PTPRD: variants seen among roughly 807,000 people sequenced by gnomAD.
The protein encoded by PTPRD is protein tyrosine phosphatase receptor type D, also known as receptor-type tyrosine-protein phosphatase delta.
PTPRD carries 34 observed loss-of-function variants against 214.5 expected under a neutral mutation model. The observed-to-expected ratio is 0.16, with a 90% CI of 0.12 to 0.21. The LOEUF (loss-of-function observed/expected upper bound fraction) is 0.21, where lower values mean the gene tolerates loss of function less well. Ranked by LOEUF, PTPRD falls within the 10% of genes least tolerant of loss-of-function variation. The pLI is 1.00. For synonymous variants in PTPRD, 1,128 were observed against 845.7 expected (o/e 1.33, Z -5.79); for missense variants, 2,545 against 2,398.7 (o/e 1.06, Z -1.27).
chr9:8,545,733 A>T (rs1024764324), intron 14 of PTPRD, among the ~76,000 whole-genome samples: 4 of 152,218 alleles, frequency 2.6e-5, no homozygotes, highest in African/African-American at 4.8e-5. Flanking sequence ...TGAAAGTTCA[A>T]ATGGTGTTTA....
At chr9:8,772,908 T>C (rs2095297071) in intron 11 of PTPRD, among the ~76,000 whole-genome samples, 1 of 152,186 alleles carries the variant, frequency 6.6e-6, no homozygotes, top group South Asian at 2.1e-4. Context: ...CTTGGAAACA[T>C]TTTGATAACT....
chr9:9,891,622 T>C (rs1020536303), intron 5 of PTPRD, among the ~76,000 whole-genome samples: 3 of 152,116 alleles, frequency 2.0e-5, no homozygotes, highest in African/African-American at 7.2e-5. Context: ...AATTAGAGTT[T>C]GATGGTTATT....
At chr9:9,284,101 G>C (rs1455285773) in intron 9 of PTPRD, among the ~76,000 whole-genome samples, 1 of 151,570 alleles carries the variant, frequency 6.6e-6, no homozygotes, top group Non-Finnish European at 1.5e-5. Flanking sequence ...AGCTATCCAA[G>C]TAATGTTCAG....
At chr9:9,931,916 A>G (rs964467296) in intron 5 of PTPRD, among the ~76,000 whole-genome samples, 2 of 150,886 alleles carry the variant, frequency 1.3e-5, no homozygotes, top group Non-Finnish European at 3.0e-5. Flanking sequence ...TGGGTCCCTG[A>G]CCCCTGACCC....
intron 2 of PTPRD, among the ~76,000 whole-genome samples, chr9:10,374,219 C>T (rs771765730): frequency 2.6e-5 from 4 of 152,012 alleles, no homozygotes; most frequent in Non-Finnish European, 2.9e-5. Context: ...TTAGTTGATG[C>T]TATAGGCCTT....
chr9:8,391,162 A>G (rs577531898), intron 36 of PTPRD, among the ~76,000 whole-genome samples: 41 of 152,166 alleles, frequency 2.7e-4, no homozygotes, highest in African/African-American at 9.6e-4. Context: ...TTATAATGAA[A>G]CATATGTTCC....
intron 9 of PTPRD, among the ~76,000 whole-genome samples, chr9:9,258,873 A>T (rs1053608698): frequency 1.3e-5 from 2 of 151,904 alleles, no homozygotes; most frequent in Admixed American, 1.3e-4. Context: ...ATTTCTTTGG[A>T]AAAGGGATTT....
At chr9:9,979,069 T>C (rs1204890777) in intron 4 of PTPRD, among the ~76,000 whole-genome samples, 1 of 152,130 alleles carries the variant, frequency 6.6e-6, no homozygotes, top group Non-Finnish European at 1.5e-5. Flanking sequence ...AAGGATAAAA[T>C]AGTTTTCAGA....
chr9:9,630,440 G>C (rs556617935), intron 7 of PTPRD, among the ~76,000 whole-genome samples: 1 of 152,166 alleles, frequency 6.6e-6, no homozygotes, highest in East Asian at 1.9e-4. Context: ...CTTCTACTTC[G>C]AGTCCCTGAA....
chr9:9,128,070 T>C (rs1402737311), intron 10 of PTPRD, among the ~76,000 whole-genome samples: 2 of 152,174 alleles, frequency 1.3e-5, no homozygotes, highest in African/African-American at 4.8e-5. Context: ...AAAAAAGATG[T>C]GGGCATGACA....
At chr9:10,589,979 T>C (rs2075020323) in intron 2 of PTPRD, among the ~76,000 whole-genome samples, 2 of 151,990 alleles carry the variant, frequency 1.3e-5, no homozygotes, top group South Asian at 2.1e-4. Flanking sequence ...CTATAGGACA[T>C]AGAAATTCAC....
chr9:10,169,141 G>T (rs144536097), intron 3 of PTPRD, among the ~76,000 whole-genome samples: 1 of 152,110 alleles, frequency 6.6e-6, no homozygotes, highest in Non-Finnish European at 1.5e-5. Flanking sequence ...CCCCATTAAT[G>T]TATTGATGTC....
intron 5 of PTPRD, among the ~76,000 whole-genome samples, chr9:9,832,633 G>A (rs2055272541): frequency 6.6e-6 from 1 of 151,916 alleles, no homozygotes; most frequent in African/African-American, 2.4e-5. Context: ...ACATAAGAGA[G>A]AACTTCCAGG....
chr9:10,065,078 C>T (rs1041547188), intron 3 of PTPRD, among the ~76,000 whole-genome samples: 4 of 149,332 alleles, frequency 2.7e-5, no homozygotes, highest in Admixed American at 1.4e-4. Context: ...GCCTAGATTG[C>T]TACGCTGTCT....
chr9:9,397,916 C>A lies in PTPRD; in HGVS notation c.-236-434G>T, dbSNP rs531172657. ...GCTCAAAAATTCTCTTTGTTGCCTACCTAAAACAAACTAAAGTGTTTAGCA... is the reference window on the plus strand; with the variant it reads ...GCTCAAAAATTCTCTTTGTTGCCTAACTAAAACAAACTAAAGTGTTTAGCA... On this transcript the variant is annotated intron_variant, in intron 8 of 45. Coordinates refer to ENST00000381196, the MANE Select transcript of PTPRD (RefSeq NM_002839.4). Among the ~76,000 whole-genome samples the A allele has an allele frequency of 5.3e-5, 8 of 152,016 alleles. No homozygotes were observed. The South Asian group carries it at 1.7e-3, about 32-fold the overall frequency.
At chr9:8,535,220 C>G (rs552581520) in intron 14 of PTPRD, among the ~76,000 whole-genome samples, 2 of 151,806 alleles carry the variant, frequency 1.3e-5, no homozygotes, top group South Asian at 2.1e-4. Flanking sequence ...ATCAATAGAT[C>G]TAAAGGGATC....
chr9:8,561,125 A>G (rs55785812), intron 14 of PTPRD, among the ~76,000 whole-genome samples: 33,026 of 151,986 alleles, frequency 0.22, 4,363 homozygotes, highest in African/African-American at 0.38. Flanking sequence ...CTTTGTTCTG[A>G]TTGATCCCCA....
At chr9:8,563,075 T>C (rs1167702307) in intron 14 of PTPRD, among the ~76,000 whole-genome samples, 1 of 152,212 alleles carries the variant, frequency 6.6e-6, no homozygotes, top group East Asian at 1.9e-4. Flanking sequence ...ACTACTGATA[T>C]GTTGAACAAC....
chr9:8,835,894 C>T (rs1481373128), intron 11 of PTPRD, among the ~76,000 whole-genome samples: 1 of 152,056 alleles, frequency 6.6e-6, no homozygotes, highest in Non-Finnish European at 1.5e-5. Flanking sequence ...TATTATATAT[C>T]TCTTTAACAA....
Sources: allele counts gnomAD v4.1 joint callset (sites outside exome capture counted in the v4.1 genomes callset), GRCh38; gene constraint gnomAD v4.1.1; transcripts MANE v1.5; gene names NCBI Gene and HGNC (gene_info 2026-07-23, HGNC 2026-07-21).